ANAPC10: variants seen among roughly 807,000 people sequenced by gnomAD.
ANAPC10 encodes anaphase-promoting complex subunit 10.
A neutral mutation model predicts 22.0 loss-of-function variants in ANAPC10; 12 were observed. The observed-to-expected ratio is 0.55, with a 90% confidence interval of 0.35 to 0.88. ANAPC10 has a LOEUF of 0.88. Ranked by LOEUF, ANAPC10 falls within the 40% of genes least tolerant of loss-of-function variation. The pLI, the probability that ANAPC10 is intolerant of heterozygous loss-of-function variation, is 0.01. For synonymous variants in ANAPC10, 65 were observed against 69.5 expected (o/e 0.94, Z 0.32); for missense variants, 188 against 220.9 (o/e 0.85, Z 0.94).
intron 2 of ANAPC10, among the ~76,000 whole-genome samples, chr4:145,093,481 A>G (rs1373693627): frequency 1.3e-5 from 2 of 152,106 alleles, no homozygotes; most frequent in African/African-American, 2.4e-5. Flanking sequence ...CAGAATTATC[A>G]TAAACAGAAA....
At chr4:145,009,575 G>A (rs1298973065) in intron 4 of ANAPC10, among the ~76,000 whole-genome samples, 2 of 152,112 alleles carry the variant, frequency 1.3e-5, no homozygotes, top group Admixed American at 1.3e-4. Context: ...ATGGGGAAAG[G>A]ATTCCCTATT....
chr4:145,050,453 A>G (rs1182179527), intron 4 of ANAPC10, among the ~76,000 whole-genome samples: 1 of 152,212 alleles, frequency 6.6e-6, no homozygotes. Flanking sequence ...GCTGCCTTCA[A>G]CTTGAAGTCA....
chr4:145,031,133 T>G (rs943784972), intron 4 of ANAPC10, among the ~76,000 whole-genome samples: 14 of 152,230 alleles, frequency 9.2e-5, no homozygotes, highest in Non-Finnish European at 1.8e-4. Flanking sequence ...GCAATTTACC[T>G]TACTGTCCTA....
At chr4:145,043,577 T>A (rs320488) in intron 4 of ANAPC10, among the ~76,000 whole-genome samples, 4 of 152,136 alleles carry the variant, frequency 2.6e-5, no homozygotes, top group African/African-American at 9.7e-5. Flanking sequence ...AATCCCTTAT[T>A]ACACATTGTC....
At chr4:145,077,142 T>C (rs1745317097) in intron 3 of ANAPC10, among the ~76,000 whole-genome samples, 1 of 152,114 alleles carries the variant, frequency 6.6e-6, no homozygotes, top group Admixed American at 6.5e-5. Context: ...GAGCTTGCAG[T>C]GAGCCGAGAT....
intron 4 of ANAPC10, among the ~76,000 whole-genome samples, chr4:145,024,775 C>T (rs1456599017): frequency 6.6e-6 from 1 of 152,160 alleles, no homozygotes; most frequent in Non-Finnish European, 1.5e-5. Context: ...AACTTAAAGT[C>T]ACCAGCTGCA....
intron 2 of ANAPC10, among the ~76,000 whole-genome samples, chr4:145,083,787 T>A (rs762130850): frequency 6.6e-6 from 1 of 152,216 alleles, no homozygotes; most frequent in Non-Finnish European, 1.5e-5. Flanking sequence ...TTCTGTTGGA[T>A]AGCACTGCTC....
At chr4:145,020,278 A>T (rs1172519623) in intron 4 of ANAPC10, among the ~76,000 whole-genome samples, 10 of 152,230 alleles carry the variant, frequency 6.6e-5, no homozygotes, top group Admixed American at 5.9e-4. Context: ...GGATGGTTTA[A>T]CATCCACAAG....
At chr4:145,040,955 A>G (rs1394434179) in intron 4 of ANAPC10, among the ~76,000 whole-genome samples, 4 of 151,970 alleles carry the variant, frequency 2.6e-5, no homozygotes, top group South Asian at 2.1e-4. Flanking sequence ...ATGCATGACA[A>G]TGGGAACAAA....
intron 4 of ANAPC10, among the ~76,000 whole-genome samples, chr4:145,049,348 T>G (rs1193823261): frequency 6.6e-6 from 1 of 152,238 alleles, no homozygotes; most frequent in Non-Finnish European, 1.5e-5. Context: ...TAGCATGCAA[T>G]GCCACTTAAT....
rs1374716874 is a variant in ANAPC10 at position 145,012,166 on chromosome 4, G to A, written c.328-16563C>T. ...CCACAATTACAAGCTATATGTATAT[G>A]TGTGTGTGTGTATATATATATATAT... On this transcript the variant is annotated intron_variant, in intron 4 of 4. Transcript: ENST00000507656. Among the ~76,000 whole-genome samples, 7 of 135,190 alleles carry A rather than the reference G, an allele frequency of 5.2e-5. No homozygotes were observed. In the South Asian group the frequency reaches 9.1e-4, roughly 18 times the overall value. The allele number at this position is 135,190 out of a possible 152,430, so 88.7% of individuals were successfully genotyped here.
chr4:145,008,255 G>C (rs538508143), intron 4 of ANAPC10, among the ~76,000 whole-genome samples: 2 of 152,088 alleles, frequency 1.3e-5, no homozygotes, highest in African/African-American at 4.8e-5. Flanking sequence ...TCTACCAGAG[G>C]TACAAAGAGG....
intron 4 of ANAPC10, among the ~76,000 whole-genome samples, chr4:145,050,934 T>C (rs1247874010): frequency 6.6e-6 from 1 of 152,260 alleles, no homozygotes; most frequent in Non-Finnish European, 1.5e-5. Flanking sequence ...TATTCATGTG[T>C]TCACTAGAGT....
At chr4:145,047,378 G>A (rs1394102497) in intron 4 of ANAPC10, among the ~76,000 whole-genome samples, 4 of 152,070 alleles carry the variant, frequency 2.6e-5, no homozygotes, top group East Asian at 1.9e-4. Flanking sequence ...AGAACTCTGC[G>A]TTCAATGGCG....
intron 4 of ANAPC10, among the ~76,000 whole-genome samples, chr4:145,059,088 C>T (rs1437564081): frequency 6.6e-6 from 1 of 152,122 alleles, no homozygotes; most frequent in Non-Finnish European, 1.5e-5. Context: ...TTTATAGATA[C>T]TGCCTAAGCC....
At chr4:145,089,909 T>C (rs866046878) in intron 2 of ANAPC10, among the ~76,000 whole-genome samples, 13 of 152,192 alleles carry the variant, frequency 8.5e-5, no homozygotes, top group Admixed American at 3.3e-4. Flanking sequence ...ATTGTTTTAC[T>C]CTGTTACTTA....
rs190937556 is a variant in ANAPC10, at chr4:145,023,321, G to A, written c.328-27718C>T. On this transcript the variant is annotated intron_variant, in intron 4 of 4. Coordinates refer to ENST00000507656, the MANE Select transcript of ANAPC10 (RefSeq NM_001256706.2). ...GCCTTCAGGAAGTATAAGGATTTTTGTTATAAAATAACACATCCTTAAAAT... is the reference window on the plus strand; with the variant it reads ...GCCTTCAGGAAGTATAAGGATTTTTATTATAAAATAACACATCCTTAAAAT... Among the ~76,000 whole-genome samples the A allele has an allele frequency of 2.0e-3, 304 of 152,228 alleles. 1 individual carries two copies. The highest frequency in any genetic ancestry group is 3.2e-3 in the Non-Finnish European group (221 of 68,004).
intron 4 of ANAPC10, among the ~76,000 whole-genome samples, chr4:145,031,750 G>A (rs1213829384): frequency 6.6e-6 from 1 of 152,202 alleles, no homozygotes; most frequent in East Asian, 1.9e-4. Context: ...TCACAGTGGA[G>A]GCCTCTTGGA....
At chr4:145,089,600 G>A (rs1311245883) in intron 2 of ANAPC10, among the ~76,000 whole-genome samples, 1 of 152,090 alleles carries the variant, frequency 6.6e-6, no homozygotes, top group Non-Finnish European at 1.5e-5. Context: ...GTTTTGTGGT[G>A]TGTGTTCAAC....
Sources: gnomAD v4.1 joint callset for allele counts (sites outside exome capture counted in the v4.1 genomes callset) on GRCh38, gnomAD v4.1.1 for gene constraint, MANE v1.5 for transcripts, NCBI Gene and HGNC (gene_info 2026-07-23, HGNC 2026-07-21) for gene names.